Variants in CSMD3 observed in about 807,000 individuals in gnomAD.
CSMD3 encodes the protein CUB and Sushi multiple domains 3.
In CSMD3, 177 loss-of-function variants were observed where a neutral mutation model predicts 435.2. The observed-to-expected ratio is 0.41, with a 90% CI of 0.36 to 0.46. CSMD3 has a LOEUF of 0.46. Ranked by LOEUF, CSMD3 falls within the 20% of genes least tolerant of loss-of-function variation. CSMD3 has a pLI of 0.34. For missense variants in CSMD3, 4,265 were observed against 4,504.6 expected (o/e 0.95, Z 1.52); for synonymous variants, 1,656 against 1,520.5 (o/e 1.09, Z -2.07).
intron 4 of CSMD3, among the ~76,000 whole-genome samples, chr8:113,168,535 A>AAAC (rs2092204090): frequency 6.7e-6 from 1 of 149,514 alleles, no homozygotes; most frequent in African/African-American, 2.4e-5. Context: ...AAAAAAAAAA[A>AAAC]AAAAAAAAAA....
At chr8:112,325,207 C>T (rs903320423) in intron 45 of CSMD3, among the ~76,000 whole-genome samples, 2 of 152,100 alleles carry the variant, frequency 1.3e-5, no homozygotes, top group Non-Finnish European at 2.9e-5. Context: ...CAACCTCTTA[C>T]TGTAGTCTTT....
chr8:113,415,727 C>G (rs1342415242), intron 1 of CSMD3, among the ~76,000 whole-genome samples: 1 of 152,032 alleles, frequency 6.6e-6, no homozygotes, highest in East Asian at 1.9e-4. Flanking sequence ...CTCCAAAACC[C>G]ATTAAACAAT....
intron 6 of CSMD3, among the ~76,000 whole-genome samples, chr8:112,980,094 GAA>G (rs1322024013): frequency 6.6e-6 from 1 of 150,400 alleles, no homozygotes; most frequent in African/African-American, 2.4e-5. Context: ...AAAATTTTTT[GAA>G]AGTTATTAAT....
At chr8:112,423,067 A>G (rs1238776813) in intron 32 of CSMD3, among the ~76,000 whole-genome samples, 1 of 152,198 alleles carries the variant, frequency 6.6e-6, no homozygotes, top group Admixed American at 6.5e-5. Context: ...GAAGGAACAC[A>G]TTGATTTGCA....
At chr8:112,244,662 T>G in intron 64 of CSMD3, 89 bp from the exon 65 acceptor site, 1 of 883,050 alleles carries the variant, frequency 1.1e-6, no homozygotes, top group South Asian at 1.4e-5. Context: ...TCAGATATAC[T>G]TCAATGCCTT....
At chr8:112,748,631 T>C (rs978870037) in intron 13 of CSMD3, among the ~76,000 whole-genome samples, 7 of 152,158 alleles carry the variant, frequency 4.6e-5, no homozygotes, top group African/African-American at 1.4e-4. Flanking sequence ...CTAAGGATAA[T>C]AGCTTCCAGC....
chr8:112,349,746 C>A (rs1028057991), intron 40 of CSMD3, among the ~76,000 whole-genome samples: 6 of 152,002 alleles, frequency 3.9e-5, no homozygotes, highest in African/African-American at 1.4e-4. Context: ...TTAAAAAAAT[C>A]ATCCAATTTA....
intron 4 of CSMD3, among the ~76,000 whole-genome samples, chr8:113,156,396 T>C (rs897363569): frequency 2.6e-5 from 4 of 152,108 alleles, no homozygotes; most frequent in African/African-American, 9.7e-5. Context: ...ATATGCTTAT[T>C]TGAAAATATC....
intron 3 of CSMD3, among the ~76,000 whole-genome samples, chr8:113,273,582 T>C (rs965655477): frequency 6.6e-6 from 1 of 152,138 alleles, no homozygotes; most frequent in East Asian, 1.9e-4. Context: ...GTTATCAGAC[T>C]GAGAAAACAT....
Position 113,320,641 on chromosome 8 carries a change from G to A in CSMD3, c.179-5848C>T, listed in dbSNP as rs569255878. ...AAAATCAGTTCTTTTTTAAAAAATT[G>A]TTCTTGTCATCTTTGTGCATTTGTT... is the stretch of plus-strand genomic sequence containing the variant. On this transcript the variant is annotated intron_variant, in intron 1 of 70. Coordinates refer to ENST00000297405, the MANE Select transcript of CSMD3 (RefSeq NM_198123.2). Among the ~76,000 whole-genome samples, 14 of 152,040 alleles carry A rather than the reference G, an allele frequency of 9.2e-5. No individual in the cohort carries two copies. The South Asian group carries it at 2.3e-3, about 25-fold the overall frequency.
rs115098673 is a variant in CSMD3, at chr8:112,377,093, C to T, written c.6136+3259G>A. ...ACATTTTCTATGTCAAGAGTAGCCA[C>T]TTTAATTCCAGTTTTAAAATTTCTA... is the stretch of plus-strand genomic sequence containing the variant. On this transcript the variant is annotated intron_variant, in intron 38 of 70. Coordinates refer to ENST00000297405, the MANE Select transcript of CSMD3 (RefSeq NM_198123.2). 3.9e-3 allele frequency among the ~76,000 whole-genome samples: 595 copies of T among 151,824 alleles called. 4 individuals are homozygous for T. Among genetic ancestry groups the T allele is most frequent in the African/African-American group, 0.014 (563 of 41,374 alleles).
intron 36 of CSMD3, among the ~76,000 whole-genome samples, chr8:112,384,619 A>T (rs1444253506): frequency 6.6e-6 from 1 of 152,260 alleles, no homozygotes; most frequent in East Asian, 1.9e-4. Flanking sequence ...AAATAATTAC[A>T]ACAATTTCAC....
At chr8:113,003,074 T>G (rs999796858) in intron 6 of CSMD3, among the ~76,000 whole-genome samples, 2 of 151,804 alleles carry the variant, frequency 1.3e-5, no homozygotes, top group African/African-American at 4.8e-5. Context: ...ACCCCAACAT[T>G]TCTACTAAAA....
At chr8:113,115,686 T>C (rs2090802338) in intron 4 of CSMD3, among the ~76,000 whole-genome samples, 1 of 152,232 alleles carries the variant, frequency 6.6e-6, no homozygotes. Context: ...CTGTATTATC[T>C]CTAGTGAAAC....
At chr8:113,080,323 T>C (rs769394854) in intron 5 of CSMD3, among the ~76,000 whole-genome samples, 1 of 152,210 alleles carries the variant, frequency 6.6e-6, no homozygotes, top group Non-Finnish European at 1.5e-5. Context: ...TTTTCACTAC[T>C]TGAAAGTGGC....
chr8:112,264,780 CTAAT>C (rs1457288849), intron 60 of CSMD3, among the ~76,000 whole-genome samples: 3 of 151,894 alleles, frequency 2.0e-5, no homozygotes, highest in Non-Finnish European at 4.4e-5. Context: ...TATTAAAAAT[CTAAT>C]TATTATAAAA....
intron 27 of CSMD3, among the ~76,000 whole-genome samples, chr8:112,527,816 G>C (rs1412322932): frequency 1.3e-5 from 2 of 151,950 alleles, no homozygotes; most frequent in Non-Finnish European, 2.9e-5. Flanking sequence ...ACTTGCATTG[G>C]AATTTAAGTA....
chr8:112,376,446 C>G (rs911217099), intron 38 of CSMD3, among the ~76,000 whole-genome samples: 1 of 151,962 alleles, frequency 6.6e-6, no homozygotes. Flanking sequence ...ATTATAGAAC[C>G]AAAACAAGTA....
intron 1 of CSMD3, among the ~76,000 whole-genome samples, chr8:113,405,810 A>C (rs1392399171): frequency 3.3e-5 from 5 of 151,822 alleles, no homozygotes; most frequent in Non-Finnish European, 5.9e-5. Flanking sequence ...TCAGCCTATG[A>C]TCTAGGGTAT....
Sources: allele counts gnomAD v4.1 joint callset (sites outside exome capture counted in the v4.1 genomes callset), GRCh38; gene constraint gnomAD v4.1.1; transcripts MANE v1.5; gene names NCBI Gene and HGNC (gene_info 2026-07-23, HGNC 2026-07-21).